EEFSEC: variants seen among roughly 807,000 people sequenced by gnomAD.
EEFSEC encodes eukaryotic elongation factor, selenocysteine-tRNA specific.
In EEFSEC, 43 loss-of-function variants were observed where a neutral mutation model predicts 42.1. That is an observed-to-expected ratio of 1.02 (90% CI 0.80 to 1.32). The LOEUF is 1.32. Ranked by LOEUF, EEFSEC falls within the 40% of genes most tolerant of loss-of-function variation. The pLI, the probability that EEFSEC is intolerant of heterozygous loss-of-function variation, is 0.00. For synonymous variants in EEFSEC, 354 were observed against 339.1 expected (o/e 1.04, Z -0.48); for missense variants, 745 against 803.6 (o/e 0.93, Z 0.88).
At chr3:128,402,616 C>A (rs927162876) in intron 6 of EEFSEC, among the ~76,000 whole-genome samples, 1 of 152,222 alleles carries the variant, frequency 6.6e-6, no homozygotes, top group African/African-American at 2.4e-5. Flanking sequence ...GGATTCAGTA[C>A]CTCCGTGCTG....
At chr3:128,184,572 A>T (rs1269919288) in intron 1 of EEFSEC, among the ~76,000 whole-genome samples, 1 of 152,240 alleles carries the variant, frequency 6.6e-6, no homozygotes, top group African/African-American at 2.4e-5. Flanking sequence ...TAGGGTAAGT[A>T]TGTAAGTATC....
At chr3:128,205,516 C>T (rs1029311914) in intron 1 of EEFSEC, among the ~76,000 whole-genome samples, 5 of 152,166 alleles carry the variant, frequency 3.3e-5, no homozygotes, top group Non-Finnish European at 5.9e-5. Context: ...GTGAGATCTG[C>T]CTAATAATAG....
intron 6 of EEFSEC, among the ~76,000 whole-genome samples, chr3:128,368,444 CA>C (rs531725881): frequency 0.011 from 504 of 46,416 alleles, 3 homozygotes; most frequent in Non-Finnish European, 0.015. Flanking sequence ...CCAAAAAAAA[CA>C]AAAAAAAAAA....
In EEFSEC at chr3:128,153,569, C is replaced by T. The variant is rs1944294573; in HGVS notation, c.62C>T (p.Thr21Met). ...CTGGGCCACATCGACAGCGGCAAGA[C>T]GGCGCTGGCGCGGGCGCTAAGCACC... is the stretch of plus-strand genomic sequence containing the variant. ...GVLGHIDSGKTALARALSTTA... is the reference protein window; with the variant it reads ...GVLGHIDSGKMALARALSTTA... The change falls in exon 1 of 7, where the codon ACG becomes ATG. Residue 21 changes from threonine to methionine, a missense_variant. Thr to Met is a moderately conservative substitution (Grantham distance 81). Coordinates refer to ENST00000254730, the MANE Select transcript of EEFSEC (RefSeq NM_021937.5). The T allele has an allele frequency of 1.3e-6, 2 of 1,541,102 alleles. No homozygotes were observed. Among genetic ancestry groups the T allele is most frequent in the Non-Finnish European group, 1.7e-6 (2 of 1,150,822 alleles).
intron 2 of EEFSEC, 137 bp from the exon 3 acceptor site, chr3:128,261,991 G>A: frequency 1.3e-6 from 1 of 784,116 alleles, no homozygotes; most frequent in Non-Finnish European, 2.1e-6. Context: ...CAGTGGTGCT[G>A]TCTTCTAGGC....
At chr3:128,351,234 C>A (rs2067381519) in intron 5 of EEFSEC, among the ~76,000 whole-genome samples, 1 of 152,190 alleles carries the variant, frequency 6.6e-6, no homozygotes, top group Admixed American at 6.5e-5. Flanking sequence ...CTTGTGATTT[C>A]TGTGCATCTG....
intron 6 of EEFSEC, among the ~76,000 whole-genome samples, chr3:128,378,010 G>A (rs916657740): frequency 3.3e-5 from 5 of 152,202 alleles, no homozygotes; most frequent in African/African-American, 1.2e-4. Context: ...AGATTCAGAA[G>A]AAGAAGATAA....
At chr3:128,303,252 AC>A (rs2108007334) in intron 4 of EEFSEC, among the ~76,000 whole-genome samples, 1 of 152,298 alleles carries the variant, frequency 6.6e-6, no homozygotes, top group African/African-American at 2.4e-5. Context: ...GGCATGACCC[AC>A]TGCACCTGAC....
At chr3:128,246,456 C>G (rs930388411) in intron 1 of EEFSEC, among the ~76,000 whole-genome samples, 1 of 152,074 alleles carries the variant, frequency 6.6e-6, no homozygotes, top group Non-Finnish European at 1.5e-5. Context: ...AAGCCTAGTA[C>G]GAAACTTTTT....
chr3:128,164,198 T>C (rs1341514682), intron 1 of EEFSEC, among the ~76,000 whole-genome samples: 2 of 151,488 alleles, frequency 1.3e-5, no homozygotes, highest in Non-Finnish European at 2.9e-5. Context: ...CACTCAGAGA[T>C]TCTACACATA....
chr3:128,258,488 C>T (rs942862372), intron 2 of EEFSEC, among the ~76,000 whole-genome samples: 4 of 152,156 alleles, frequency 2.6e-5, no homozygotes, highest in Non-Finnish European at 5.9e-5. Context: ...TAATATAATA[C>T]CTGACATCAT....
intron 1 of EEFSEC, among the ~76,000 whole-genome samples, chr3:128,191,299 T>A (rs753057203): frequency 3.3e-5 from 5 of 152,110 alleles, no homozygotes; most frequent in Admixed American, 1.3e-4. Context: ...ATTAAAAAAA[T>A]TATTTTATTT....
chr3:128,238,795 G>A (rs1307585987), intron 1 of EEFSEC, among the ~76,000 whole-genome samples: 1 of 152,212 alleles, frequency 6.6e-6, no homozygotes. Flanking sequence ...CTGCTTTTGG[G>A]TTTCTTGTCA....
intron 1 of EEFSEC, among the ~76,000 whole-genome samples, chr3:128,189,317 C>A (rs2065497415): frequency 6.6e-6 from 1 of 152,108 alleles, no homozygotes; most frequent in South Asian, 2.1e-4. Flanking sequence ...TGATGGTGGT[C>A]CCATAAGATT....
chr3:128,404,103 A>G (rs1354970030), intron 6 of EEFSEC, among the ~76,000 whole-genome samples: 2 of 152,244 alleles, frequency 1.3e-5, no homozygotes, highest in Admixed American at 1.3e-4. Context: ...TTACCACGTG[A>G]CAACCTGGGT....
intron 1 of EEFSEC, among the ~76,000 whole-genome samples, chr3:128,200,023 C>A (rs771712951): frequency 2.0e-5 from 3 of 152,126 alleles, no homozygotes; most frequent in African/African-American, 7.2e-5. Context: ...CGTGAGCCAC[C>A]GTGCCCAGCC....
intron 1 of EEFSEC, among the ~76,000 whole-genome samples, chr3:128,174,593 A>T (rs2065329875): frequency 6.6e-6 from 1 of 152,130 alleles, no homozygotes; most frequent in African/African-American, 2.4e-5. Context: ...TGAAATTGGA[A>T]TCTTGGCCCT....
intron 6 of EEFSEC, among the ~76,000 whole-genome samples, chr3:128,405,311 C>T (rs545634226): frequency 2.6e-5 from 4 of 152,160 alleles, no homozygotes; most frequent in Non-Finnish European, 5.9e-5. Context: ...CCCTTGTCAC[C>T]TTTTTAAACA....
intron 2 of EEFSEC, among the ~76,000 whole-genome samples, chr3:128,255,051 G>C (rs886109156): frequency 6.6e-6 from 1 of 152,176 alleles, no homozygotes; most frequent in African/African-American, 2.4e-5. Context: ...CATATCAGAG[G>C]CCAGGAATTA....
Sources: allele counts gnomAD v4.1 joint callset (sites outside exome capture counted in the v4.1 genomes callset), GRCh38; gene constraint gnomAD v4.1.1; transcripts MANE v1.5; gene names NCBI Gene and HGNC (gene_info 2026-07-23, HGNC 2026-07-21).